TOM1L1: variants seen among roughly 807,000 people sequenced by gnomAD.
TOM1L1 encodes the protein target of myb1 like 1 membrane trafficking protein.
In TOM1L1, 64 loss-of-function variants were observed where a neutral mutation model predicts 63.4. That is an observed-to-expected ratio of 1.01 (90% CI 0.83 to 1.24). The LOEUF is 1.24. TOM1L1 is among the 50% of genes most tolerant of loss of function. The probability of loss-of-function intolerance (pLI) is 0.00; values close to 1 mark genes in which losing one functional copy is unlikely to be tolerated. For synonymous variants in TOM1L1, 166 were observed against 194.4 expected (o/e 0.85, Z 1.22); for missense variants, 536 against 567.0 (o/e 0.95, Z 0.55).
At chr17:54,933,800 C>T (rs1262681104) in intron 8 of TOM1L1, among the ~76,000 whole-genome samples, 7 of 152,282 alleles carry the variant, frequency 4.6e-5, no homozygotes, top group East Asian at 3.9e-4. Flanking sequence ...GAATTATAGG[C>T]GTGAGCTACC....
rs1567817783 is a variant in TOM1L1 at position 54,903,737 on chromosome 17, G to A, written c.88G>A (p.Glu30Lys). ...EKATFAGVQT[E>K]DWGQFMHICD... The stretch of plus-strand genomic sequence containing the variant: ...GGCTACATTTGCTGGAGTTCAGACT[G>A]AAGATTGGGGCCAGTTCATGCACAT... Residue 30 changes from glutamate to lysine, a missense_variant, in exon 2 of 16, where the codon GAA becomes AAA. Physicochemically the swap from Glu to Lys is moderately conservative, Grantham distance 56. Coordinates refer to ENST00000575882, the MANE Select transcript of TOM1L1 (RefSeq NM_005486.3). 1 of 1,614,204 alleles carries A rather than the reference G, an allele frequency of 6.2e-7. No homozygotes were observed. The highest frequency in any genetic ancestry group is 8.5e-7 in the Non-Finnish European group (1 of 1,180,030).
intron 11 of TOM1L1, among the ~76,000 whole-genome samples, chr17:54,943,228 G>A (rs900827072): frequency 6.6e-6 from 1 of 152,066 alleles, no homozygotes; most frequent in African/African-American, 2.4e-5. Flanking sequence ...GTTGGTTCAT[G>A]CATTTTTATA....
chr17:54,918,286 TAAAAAC>T (rs1288309977), intron 7 of TOM1L1, among the ~76,000 whole-genome samples: 2 of 152,228 alleles, frequency 1.3e-5, no homozygotes, highest in Non-Finnish European at 2.9e-5. Context: ...TAAAAAATAA[TAAAAAC>T]AAACAAAACA....
At chr17:54,908,908 G>A (rs907575674) in intron 3 of TOM1L1, among the ~76,000 whole-genome samples, 1 of 152,150 alleles carries the variant, frequency 6.6e-6, no homozygotes, top group Non-Finnish European at 1.5e-5. Context: ...AAATGTGGTT[G>A]AAAATAATAA....
intron 3 of TOM1L1, among the ~76,000 whole-genome samples, chr17:54,909,364 A>G (rs4372751): frequency 0.68 from 103,582 of 152,050 alleles, 35,993 homozygotes; most frequent in African/African-American, 0.82. Flanking sequence ...GTCATCATAG[A>G]GTGGGGTAGT....
chr17:54,906,889 C>T (rs1435924979), intron 3 of TOM1L1: 1 of 836,786 alleles, frequency 1.2e-6, no homozygotes, highest in East Asian at 1.2e-4. Flanking sequence ...TTGTTTATCT[C>T]AGCCCAGCCC....
At position 54,901,630 on chromosome 17, in the gene TOM1L1, C is replaced by T. The variant is rs569300286; in HGVS notation, c.58+707C>T. ...TACCAGCACCAGCTCACTGCTCCTTCTTTTCCCTGATTCCTCCCTTGGGAA... is the reference window on the plus strand; with the variant it reads ...TACCAGCACCAGCTCACTGCTCCTTTTTTTCCCTGATTCCTCCCTTGGGAA... On this transcript the variant is annotated intron_variant, in intron 1 of 15. Coordinates refer to ENST00000575882, the MANE Select transcript of TOM1L1 (RefSeq NM_005486.3). Among the ~76,000 whole-genome samples the T allele has an allele frequency of 4.7e-4, 72 of 152,234 alleles. 1 individual carries two copies. The highest frequency in any genetic ancestry group is 1.7e-3 in the African/African-American group (72 of 41,540).
chr17:54,961,380 T>G lies in TOM1L1; in HGVS notation c.*147T>G, dbSNP rs190375354. Reference sequence around the variant, plus strand: ...CATTTCTGCTATAATGAAGATTAAATAGAATAACAGTTCCAGGATAACACT... The same window carrying G: ...CATTTCTGCTATAATGAAGATTAAAGAGAATAACAGTTCCAGGATAACACT... On this transcript the variant is annotated 3_prime_UTR_variant, in exon 16 of 16. Coordinates refer to ENST00000575882, the MANE Select transcript of TOM1L1 (RefSeq NM_005486.3). The G allele has an allele frequency of 6.5e-6, 10 of 1,549,794 alleles. No homozygotes were observed. In the African/African-American group the frequency reaches 1.2e-4, roughly 19 times the overall value.
chr17:54,903,684 G>T, intron 1 of TOM1L1, 24 bp from the exon 2 acceptor site: 1 of 1,605,898 alleles, frequency 6.2e-7, no homozygotes, highest in South Asian at 1.1e-5. Context: ...TTGTAGCTCA[G>T]ACTCAACAGC....
rs1178624952 is a variant in TOM1L1, at chr17:54,936,674, T to C, written c.880T>C (p.Leu294=). The part of the protein sequence containing the change: ...ERFTRNQQRI[L]EQNKNQKEAT... Reference sequence around the variant, plus strand: ...GTTTACTAGAAACCAACAAAGGATTTTGGAGCAAAATAAGAACCAGAAGGA... The same window carrying C: ...GTTTACTAGAAACCAACAAAGGATTCTGGAGCAAAATAAGAACCAGAAGGA... Residue 294 remains leucine, a synonymous_variant, in exon 9 of 16, where the codon TTG becomes CTG. Coordinates refer to ENST00000575882, the MANE Select transcript of TOM1L1 (RefSeq NM_005486.3). The C allele has an allele frequency of 1.9e-6, 3 of 1,608,094 alleles. No homozygotes were observed. Among genetic ancestry groups the C allele is most frequent in the East Asian group, 4.5e-5 (2 of 44,664 alleles).
chr17:54,949,248 G>A (rs900468102), intron 12 of TOM1L1, among the ~76,000 whole-genome samples: 14 of 132,436 alleles, frequency 1.1e-4, no homozygotes, highest in African/African-American at 4.0e-4. Context: ...TGTTGCCTAG[G>A]CTGATCTTGA....
At position 54,906,797 on chromosome 17, in the gene TOM1L1, C is replaced by G. The variant is rs1438817209; in HGVS notation, c.222+1230C>G. On this transcript the variant is annotated intron_variant, in intron 3 of 15. Transcript: ENST00000575882. The stretch of plus-strand genomic sequence containing the variant: ...TCTTCAGTCACGTTGGTGAGTTGTC[C>G]TTTTTACTTTAGTATGTGTTGCAAG... 5 of 985,310 alleles carry G rather than the reference C, an allele frequency of 5.1e-6. No homozygotes were observed. In the East Asian group the frequency reaches 3.4e-4, roughly 67 times the overall value. The allele number at this position is 985,310 out of a possible 1,614,324, so 61.0% of individuals were successfully genotyped here. A position where few individuals can be genotyped will look rare whatever the true frequency, so the allele number is the denominator to read the frequency against.
chr17:54,923,410 T>C (rs1371955179), intron 7 of TOM1L1, among the ~76,000 whole-genome samples: 1 of 152,076 alleles, frequency 6.6e-6, no homozygotes, highest in Non-Finnish European at 1.5e-5. Context: ...TCCATTGTGT[T>C]TTTTTTAATG....
At chr17:54,948,353 A>G (rs921443316) in intron 12 of TOM1L1, among the ~76,000 whole-genome samples, 4 of 151,986 alleles carry the variant, frequency 2.6e-5, no homozygotes, top group African/African-American at 9.7e-5. Context: ...TCCTCACTCC[A>G]TTTTACTCAG....
chr17:54,906,179 A>AG (rs2048405689), intron 3 of TOM1L1, among the ~76,000 whole-genome samples: 1 of 150,512 alleles, frequency 6.6e-6, no homozygotes, highest in Admixed American at 6.6e-5. Context: ...CTTAAAAAAA[A>AG]AGTTTGTGGC....
Position 54,914,629 on chromosome 17 carries a change from A to C in TOM1L1, c.499-10A>C, listed in dbSNP as rs966153825. On this transcript the variant is annotated splice_polypyrimidine_tract_variant and intron_variant, in intron 5 of 15. Coordinates refer to ENST00000575882, the MANE Select transcript of TOM1L1 (RefSeq NM_005486.3). ...TCACATAATAATATTACCATGTTTC[A>C]TACTCATAGACTGCTCAAATCTCAT... 1 of 1,604,654 alleles carries C rather than the reference A, an allele frequency of 6.2e-7. No individual in the cohort carries two copies. The highest frequency in any genetic ancestry group is 1.3e-5 in the African/African-American group (1 of 74,690).
At chr17:54,915,889 G>A (rs1387690847) in intron 7 of TOM1L1, 27 bp downstream of exon 7, 12 of 1,540,970 alleles carry the variant, frequency 7.8e-6, no homozygotes, top group Non-Finnish European at 9.9e-6. Flanking sequence ...GGGACTATCA[G>A]TCAAAGTGTC....
At chr17:54,961,086 A>C in intron 15 of TOM1L1, 149 bp from the exon 16 acceptor site, 2 of 661,044 alleles carry the variant, frequency 3.0e-6, no homozygotes, top group South Asian at 3.5e-5. Context: ...TATTCCCCTT[A>C]TACCCTCCCC....
intron 3 of TOM1L1, among the ~76,000 whole-genome samples, chr17:54,907,856 CA>C (rs1186158465): frequency 1.3e-5 from 2 of 152,182 alleles, no homozygotes; most frequent in Non-Finnish European, 2.9e-5. Context: ...CCATTCATAA[CA>C]ATTTGCCGCT....
Sources: gnomAD v4.1 joint callset for allele counts (sites outside exome capture counted in the v4.1 genomes callset) on GRCh38, gnomAD v4.1.1 for gene constraint, MANE v1.5 for transcripts, NCBI Gene and HGNC (gene_info 2026-07-23, HGNC 2026-07-21) for gene names.